The following MAP4 variants were observed in gnomAD, a reference collection of about 807,000 sequenced individuals.
The protein encoded by MAP4 is microtubule associated protein 4.
MAP4 carries 76 observed loss-of-function variants against 170.2 expected under a neutral mutation model. The observed-to-expected ratio is 0.45, with a 90% CI of 0.37 to 0.54. The LOEUF is 0.54. MAP4 is among the 20% of genes least tolerant of loss of function. The pLI, the probability that MAP4 is intolerant of heterozygous loss-of-function variation, is 0.00. For missense variants in MAP4, 2,506 were observed against 2,748.0 expected, an observed-to-expected ratio of 0.91 and a Z score of 1.97; for synonymous variants, 909 against 994.5, an observed-to-expected ratio of 0.91 and a Z score of 1.62.
At chr3:48,055,853 G>C (rs1408902656) in intron 1 of MAP4, among the ~76,000 whole-genome samples, 2 of 131,578 alleles carry the variant, frequency 1.5e-5, no homozygotes, top group Non-Finnish European at 3.4e-5. Context: ...CCTCTGCCCC[G>C]CCGCCCCATC....
intron 3 of MAP4, among the ~76,000 whole-genome samples, chr3:47,965,408 C>T (rs2100074246): frequency 2.0e-5 from 3 of 152,308 alleles, no homozygotes; most frequent in Admixed American, 2.0e-4. Context: ...TTCCTTTGGG[C>T]ATATATCCAG....
chr3:47,898,500 CAAA>C (rs879856052), intron 10 of MAP4, among the ~76,000 whole-genome samples: 6 of 81,124 alleles, frequency 7.4e-5, no homozygotes, highest in Non-Finnish European at 1.1e-4. Flanking sequence ...GACTCCGCCT[CAAA>C]AAAAAAAAAA....
chr3:48,032,193 T>A (rs968545483), intron 1 of MAP4, among the ~76,000 whole-genome samples: 6 of 151,962 alleles, frequency 3.9e-5, no homozygotes, highest in African/African-American at 1.2e-4. Context: ...CTAGATGAGA[T>A]CCTAGAACAG....
chr3:47,994,249 T>A (rs1015991889), intron 2 of MAP4, among the ~76,000 whole-genome samples: 17 of 152,212 alleles, frequency 1.1e-4, no homozygotes, highest in African/African-American at 3.6e-4. Context: ...GATTCCTTAA[T>A]GGAAAACGGG....
intron 10 of MAP4, among the ~76,000 whole-genome samples, chr3:47,887,552 G>T (rs957055310): frequency 1.3e-5 from 2 of 152,140 alleles, no homozygotes; most frequent in African/African-American, 4.8e-5. Context: ...GCTCCACGGC[G>T]CCCAGTCCCA....
intron 1 of MAP4, among the ~76,000 whole-genome samples, chr3:48,055,222 CCG>C: frequency 6.6e-6 from 1 of 150,974 alleles, no homozygotes; most frequent in Non-Finnish European, 1.5e-5. Flanking sequence ...GTCTCCGTCT[CCG>C]TCTCCGTCTC....
chr3:47,951,948 C>T (rs1206310144), intron 3 of MAP4, among the ~76,000 whole-genome samples: 2 of 151,790 alleles, frequency 1.3e-5, no homozygotes, highest in East Asian at 1.9e-4. Flanking sequence ...AAGTGTGGAG[C>T]GTCTCTGCCC....
At chr3:47,975,357 A>G in intron 3 of MAP4, 1 of 1,548,702 alleles carries the variant, frequency 6.5e-7, no homozygotes, top group Non-Finnish European at 8.7e-7. Flanking sequence ...CCAGGAATGA[A>G]AAGCAAAGCT....
At chr3:48,040,292 G>A (rs1398937100) in intron 1 of MAP4, among the ~76,000 whole-genome samples, 1 of 150,754 alleles carries the variant, frequency 6.6e-6, no homozygotes, top group Non-Finnish European at 1.5e-5. Context: ...TTTTTGAGAC[G>A]GCATCTTGCT....
intron 3 of MAP4, among the ~76,000 whole-genome samples, chr3:47,966,606 C>G (rs999333962): frequency 1.3e-5 from 2 of 151,984 alleles, no homozygotes; most frequent in South Asian, 4.1e-4. Flanking sequence ...GTCTTGAACT[C>G]CTTGCCTCAA....
At chr3:48,059,514 CA>C (rs762700404) in intron 1 of MAP4, among the ~76,000 whole-genome samples, 1,268 of 17,950 alleles carry the variant, frequency 0.071, 2 homozygotes, top group African/African-American at 0.13. Flanking sequence ...GACTCCATCT[CA>C]AAAAAAAAAA....
chr3:48,070,205 T>G (rs1354641894), intron 1 of MAP4, among the ~76,000 whole-genome samples: 1 of 151,534 alleles, frequency 6.6e-6, no homozygotes, highest in Admixed American at 6.6e-5. Flanking sequence ...TCTTTTTTCT[T>G]TTTTTTTCTC....
At chr3:47,862,770 C>A (rs1205808024) in intron 17 of MAP4, among the ~76,000 whole-genome samples, 1 of 151,996 alleles carries the variant, frequency 6.6e-6, no homozygotes, top group Admixed American at 6.6e-5. Flanking sequence ...AGCCACCGCG[C>A]CCAGCTATAT....
Position 47,981,244 on chromosome 3 carries a change from AG to A in MAP4, c.224-3312del, listed in dbSNP as rs550504924. Among the ~76,000 whole-genome samples, 263 of 152,318 alleles carry A rather than the reference AG, an allele frequency of 1.7e-3. 4 individuals are homozygous for A. Among genetic ancestry groups the A allele is most frequent in the Admixed American group, 0.013 (206 of 15,298 alleles). ...CGTGTTACCGATACAGGAAGATAACAGGTATCTAATAGCTAAATATAGATAA... is the reference window on the plus strand; with the variant it reads ...CGTGTTACCGATACAGGAAGATAACAGTATCTAATAGCTAAATATAGATAA... On this transcript the variant is annotated intron_variant, in intron 2 of 20. Transcript: ENST00000683076.
At chr3:48,072,019 G>A (rs1472044324) in intron 1 of MAP4, among the ~76,000 whole-genome samples, 3 of 151,728 alleles carry the variant, frequency 2.0e-5, no homozygotes, top group East Asian at 1.9e-4. Flanking sequence ...TCAGGAGTTC[G>A]AGACCAGCCT....
intron 10 of MAP4, chr3:47,892,216 C>A: frequency 1.3e-6 from 2 of 1,536,428 alleles, no homozygotes; most frequent in South Asian, 1.2e-5. Context: ...CCTTGTCCTG[C>A]ATTTCAATGC....
At chr3:47,939,657 A>C (rs2153986158) in intron 3 of MAP4, among the ~76,000 whole-genome samples, 1 of 151,800 alleles carries the variant, frequency 6.6e-6, no homozygotes, top group Middle Eastern at 3.4e-3. Flanking sequence ...GACATTAAAA[A>C]CTCTGATTCT....
At chr3:48,006,486 TC>T (rs149533818) in intron 1 of MAP4, among the ~76,000 whole-genome samples, 331 of 152,258 alleles carry the variant, frequency 2.2e-3, no homozygotes, top group African/African-American at 7.7e-3. Context: ...CCTGGACTCA[TC>T]CTGTGGTCAT....
chr3:47,858,612 T>TGC (rs2060391206), intron 17 of MAP4, among the ~76,000 whole-genome samples: 1 of 135,854 alleles, frequency 7.4e-6, no homozygotes, highest in African/African-American at 3.1e-5. Flanking sequence ...TGTGTGTGTG[T>TGC]GTGCGCGTTG....
Sources: allele counts gnomAD v4.1 joint callset (sites outside exome capture counted in the v4.1 genomes callset), GRCh38; gene constraint gnomAD v4.1.1; transcripts MANE v1.5; gene names NCBI Gene and HGNC (gene_info 2026-07-23, HGNC 2026-07-21).